Variants in NPC1L1 observed in about 807,000 individuals in gnomAD.
NPC1L1 encodes NPC1 like intracellular cholesterol transporter 1, also known as NPC1-like intracellular cholesterol transporter 1.
Under a neutral mutation model 117.0 loss-of-function variants are expected in NPC1L1, and 98 were observed. The observed-to-expected ratio is 0.84, with a 90% CI of 0.71 to 0.99. The LOEUF (loss-of-function observed/expected upper bound fraction) is 0.99. NPC1L1 is among the 50% of genes least tolerant of loss of function. The pLI is 0.00. For missense variants in NPC1L1, 1,540 were observed against 1,710.0 expected (o/e 0.90, Z 1.75); for synonymous variants, 729 against 727.6 (o/e 1.00, Z -0.03).
In NPC1L1 at chr7:44,522,258, G is replaced by T. The variant is rs1801384160; in HGVS notation, c.2638-16C>A. 2 of 1,609,122 alleles carry T rather than the reference G, an allele frequency of 1.2e-6. No individual in the cohort carries two copies. Among genetic ancestry groups the T allele is most frequent in the South Asian group, 2.2e-5 (2 of 90,448 alleles). On this transcript the variant is annotated splice_polypyrimidine_tract_variant and intron_variant, in intron 10 of 18. Coordinates refer to ENST00000381160, the MANE Select transcript of NPC1L1 (RefSeq NM_001101648.2). ...GGTACGAGTCCTAGGAGTGGAGGAG[G>T]GTCAGTGAGCTTTGGTTCGCTATGC...
At position 44,513,390 on chromosome 7, in the gene NPC1L1, G is replaced by A; in HGVS notation, c.*57C>T. 6.5e-7 allele frequency: 1 copy of A among 1,530,448 alleles called. No homozygotes were observed. 94.8% of individuals were successfully genotyped at this position (1,530,448 alleles called of 1,614,324 possible). ...TGTGTCAAGGGGCAGTCACAAGGAA[G>A]ATCCCCATAACCCTTTGGTTCAGGG... is the stretch of plus-strand genomic sequence containing the variant. On this transcript the variant is annotated 3_prime_UTR_variant, in exon 19 of 19. Transcript: ENST00000381160.
rs1585138144 is a variant in NPC1L1 at position 44,527,351 on chromosome 7, G to A, written c.2637+4404C>T. Among the ~76,000 whole-genome samples the A allele has an allele frequency of 2.0e-5, 3 of 151,912 alleles. No homozygotes were observed. In the South Asian group the frequency reaches 6.2e-4, roughly 32 times the overall value. ...CACATGCCTGTAATCCCAGTACTCG[G>A]GGGGCTGAGGCAGGAGAATCGCTTG... is the stretch of plus-strand genomic sequence containing the variant. On this transcript the variant is annotated intron_variant, in intron 10 of 18. Transcript: ENST00000381160.
intron 14 of NPC1L1, 124 bp from the exon 15 acceptor site, chr7:44,517,481 C>T: frequency 8.4e-7 from 1 of 1,195,906 alleles, no homozygotes; most frequent in Non-Finnish European, 1.2e-6. Context: ...GGCTCTGCCA[C>T]CACCATTTGA....
chr7:44,534,662 C>T lies in NPC1L1; in HGVS notation c.1984-33G>A. On this transcript the variant is annotated intron_variant, in intron 5 of 18. Coordinates refer to ENST00000381160, the MANE Select transcript of NPC1L1 (RefSeq NM_001101648.2). The surrounding 1 kb of genome is among the most constrained non-coding windows in gnomAD (Gnocchi z 5.2). ...GCAAACAGGCTCAGCCCCCTAGCCA[C>T]TTAGCACCTACCCAGTATGCCCACC... The T allele has an allele frequency of 1.2e-6, 2 of 1,611,430 alleles. No individual in the cohort carries two copies. The highest frequency in any genetic ancestry group is 1.7e-6 in the Non-Finnish European group (2 of 1,178,938).
chr7:44,540,780 C>A (rs949349601), intron 1 of NPC1L1, among the ~76,000 whole-genome samples: 39 of 152,064 alleles, frequency 2.6e-4, no homozygotes, highest in African/African-American at 8.7e-4. Flanking sequence ...CACCCACCTC[C>A]CAGACACAAA....
intron 13 of NPC1L1, 54 bp from the exon 14 acceptor site, chr7:44,520,874 C>A (rs1249100023): frequency 1.2e-5 from 19 of 1,612,460 alleles, no homozygotes; most frequent in Non-Finnish European, 1.6e-5. Context: ...CTTTCATCTG[C>A]CCAGCCCACA....
Position 44,536,351 on chromosome 7 carries a change from C to G in NPC1L1, c.1759G>C (p.Ala587Pro). 6.2e-7 allele frequency: 1 copy of G among 1,614,220 alleles called. No individual in the cohort carries two copies. The highest frequency in any genetic ancestry group is 8.5e-7 in the Non-Finnish European group (1 of 1,180,032). Residue 587 changes from alanine to proline, a missense_variant, in exon 4 of 19, where the codon GCC becomes CCC. Physicochemically the swap from Ala to Pro is conservative, Grantham distance 27. This residue lies in a region of NPC1L1 where 793 missense variants were observed against 820.4 expected (regional missense o/e 0.97). Coordinates refer to ENST00000381160, the MANE Select transcript of NPC1L1 (RefSeq NM_001101648.2). The surrounding 1 kb of genome is among the most constrained non-coding windows in gnomAD (Gnocchi z 4.7). ...NNYPAGDPRL[A>P]QAKLWEEAFL... ...GCCTCCTCCCACAGCTTGGCCTGGG[C>G]CAGACGGGGGTCCCCGGCAGGGTAA...
intron 14 of NPC1L1, chr7:44,518,684 A>AT: frequency 1.6e-6 from 2 of 1,232,672 alleles, no homozygotes; most frequent in Non-Finnish European, 2.1e-6. Context: ...AAAAAAAAAA[A>AT]GTTATTTCTT....
intron 1 of NPC1L1, among the ~76,000 whole-genome samples, 186 bp from the exon 2 acceptor site, chr7:44,540,528 GC>G (rs1408663953): frequency 6.6e-6 from 1 of 152,066 alleles, no homozygotes; most frequent in Non-Finnish European, 1.5e-5. Flanking sequence ...GACAACACTG[GC>G]CTTTCTTCCT....
chr7:44,532,242 G>C, intron 8 of NPC1L1, 25 bp from the exon 9 acceptor site: 1 of 1,612,622 alleles, frequency 6.2e-7, no homozygotes, highest in Non-Finnish European at 8.5e-7. Context: ...ACCCCCTCAA[G>C]GTAGTCCCAG....
rs1438485682 is a variant in NPC1L1, at chr7:44,534,054, T to C, written c.2167-201A>G. On this transcript the variant is annotated intron_variant, in intron 6 of 18. Coordinates refer to ENST00000381160, the MANE Select transcript of NPC1L1 (RefSeq NM_001101648.2). This position sits in a 1 kb window ranked among gnomAD's most constrained non-coding sequence, Gnocchi z 5.2. ...CTGGCTGGGAGAAATGGTTGGTGCA[T>C]TTGAGATGTCTATAGCATCCCTGTT... Among the ~76,000 whole-genome samples, 2 of 152,226 alleles carry C rather than the reference T, an allele frequency of 1.3e-5. No individual in the cohort carries two copies. Among genetic ancestry groups the C allele is most frequent in the Middle Eastern group, 3.2e-3 (1 of 316 alleles).
intron 10 of NPC1L1, among the ~76,000 whole-genome samples, chr7:44,530,570 G>GA (rs879766423): frequency 7.3e-5 from 11 of 151,594 alleles, no homozygotes; most frequent in African/African-American, 2.2e-4. Context: ...ATAAAAAACG[G>GA]AAAAAAAATG....
intron 10 of NPC1L1, among the ~76,000 whole-genome samples, chr7:44,524,118 A>G (rs1259120770): frequency 6.6e-6 from 1 of 152,172 alleles, no homozygotes; most frequent in Non-Finnish European, 1.5e-5. Flanking sequence ...AAGGACATTC[A>G]AAAGCAACCA....
In NPC1L1 at chr7:44,534,734, C is replaced by T; in HGVS notation, c.1984-105G>A. ...AGTAGCCGGCAGGCACCCTCAGTGC[C>T]TGCAGGTGCCCGATACTGCCCCCAG... On this transcript the variant is annotated intron_variant, in intron 5 of 18. Coordinates refer to ENST00000381160, the MANE Select transcript of NPC1L1 (RefSeq NM_001101648.2). The surrounding 1 kb of genome is among the most constrained non-coding windows in gnomAD (Gnocchi z 5.2). 8.4e-7 allele frequency: 1 copy of T among 1,191,710 alleles called. No individual in the cohort carries two copies. The highest frequency in any genetic ancestry group is 1.2e-6 in the Non-Finnish European group (1 of 823,118). The allele number at this position is 1,191,710 out of a possible 1,614,324, so 73.8% of individuals were successfully genotyped here. A position where few individuals can be genotyped will look rare whatever the true frequency, so the allele number is the denominator to read the frequency against.
At chr7:44,540,365 G>C (rs534632862) in intron 1 of NPC1L1, 23 bp from the exon 2 acceptor site, 1 of 1,605,388 alleles carries the variant, frequency 6.2e-7, no homozygotes, top group South Asian at 1.1e-5. Flanking sequence ...GCAACATCAC[G>C]CGTGGGCCCT....
At chr7:44,520,280 G>GAA (rs879261608) in intron 14 of NPC1L1, among the ~76,000 whole-genome samples, 1 of 141,928 alleles carries the variant, frequency 7.0e-6, no homozygotes, top group Non-Finnish European at 1.5e-5. Context: ...ACTCCGTCTC[G>GAA]AAAAAAAAAA....
At chr7:44,532,358 T>C in intron 8 of NPC1L1, 141 bp from the exon 9 acceptor site, 1 of 892,008 alleles carries the variant, frequency 1.1e-6, no homozygotes, top group Non-Finnish European at 1.7e-6. Context: ...TGCTGTTTTC[T>C]TTGCTTTTAT....
At chr7:44,519,263 G>A (rs144111507) in intron 14 of NPC1L1, among the ~76,000 whole-genome samples, 2 of 152,268 alleles carry the variant, frequency 1.3e-5, no homozygotes, top group East Asian at 3.9e-4. Flanking sequence ...TTTGGGAAGT[G>A]CTGCTCTAGA....
At position 44,519,385 on chromosome 7, in the gene NPC1L1, C is replaced by T. The variant is rs1031335663; in HGVS notation, c.3136+1380G>A. Among the ~76,000 whole-genome samples the T allele has an allele frequency of 2.2e-4, 34 of 152,192 alleles. 1 individual carries two copies. The highest frequency in any genetic ancestry group is 1.3e-3 in the Admixed American group (20 of 15,284). ...CCTTCCAGGCCCTGCTCCTCATTCC[C>T]TGACTGACACATCCACTCCCATCTG... On this transcript the variant is annotated intron_variant, in intron 14 of 18. Coordinates refer to ENST00000381160, the MANE Select transcript of NPC1L1 (RefSeq NM_001101648.2).
Sources: gnomAD v4.1 joint callset for allele counts (sites outside exome capture counted in the v4.1 genomes callset) on GRCh38, gnomAD v4.1.1 for gene constraint, gnomAD v4.1.1 regional missense constraint, Gnocchi (gnomAD v3.1) non-coding constraint, MANE v1.5 for transcripts, NCBI Gene and HGNC (gene_info 2026-07-23, HGNC 2026-07-21) for gene names.